The following IL13 variants were observed in gnomAD, a reference collection of about 807,000 sequenced individuals.
IL13 encodes the protein interleukin-13.
A neutral mutation model predicts 11.1 loss-of-function variants in IL13; 9 were observed. That is an observed-to-expected ratio of 0.81 (90% CI 0.49 to 1.42). IL13 has a LOEUF of 1.42. Ranked by LOEUF, IL13 falls within the 40% of genes most tolerant of loss-of-function variation. The pLI is 0.00. For synonymous variants in IL13, 75 were observed against 76.9 expected (o/e 0.97, Z 0.13); for missense variants, 181 against 182.5 (o/e 0.99, Z 0.05).
chr5:132,659,529 T>A lies in IL13; in HGVS notation c.228+58T>A. 1.9e-6 allele frequency: 3 copies of A among 1,567,144 alleles called. No individual in the cohort carries two copies. Among genetic ancestry groups the A allele is most frequent in the Non-Finnish European group, 2.6e-6 (3 of 1,143,260 alleles). On this transcript the variant is annotated intron_variant, in intron 2 of 3. Coordinates refer to ENST00000304506, the MANE Select transcript of IL13 (RefSeq NM_002188.3). The surrounding 1 kb of genome is among the most constrained non-coding windows in gnomAD (Gnocchi z 4.1). ...AGAGGCTCCAGGCCTTGGGCTTATC[T>A]TCTCTGAGCCTCCCTTCCATGGCTG...
upstream of IL13, chr5:132,658,059 A>G (rs1227587874): frequency 1.4e-5 from 8 of 577,796 alleles, no homozygotes. Flanking sequence ...TCCACAAAGT[A>G]AAATCAAGAT....
chr5:132,659,556 G>A lies in IL13; in HGVS notation c.228+85G>A. Reference sequence around the variant, plus strand: ...CTCTGAGCCTCCCTTCCATGGCTGGGGTTCCAAGCAAGCTTCAAGTGCTCT... The same window carrying A: ...CTCTGAGCCTCCCTTCCATGGCTGGAGTTCCAAGCAAGCTTCAAGTGCTCT... On this transcript the variant is annotated intron_variant, in intron 2 of 3. Coordinates refer to ENST00000304506, the MANE Select transcript of IL13 (RefSeq NM_002188.3). This position sits in a 1 kb window ranked among gnomAD's most constrained non-coding sequence, Gnocchi z 4.1. The A allele has an allele frequency of 1.3e-6, 2 of 1,559,544 alleles. No individual in the cohort carries two copies. Among genetic ancestry groups the A allele is most frequent in the South Asian group, 2.3e-5 (2 of 87,262 alleles).
At chr5:132,657,869 CA>C (rs1752068605), upstream of IL13, among the ~76,000 whole-genome samples, 1 of 152,134 alleles carries the variant, frequency 6.6e-6, no homozygotes, top group African/African-American at 2.4e-5. Flanking sequence ...TCCAGGTACT[CA>C]GGGTTGTCAC....
At chr5:132,658,675 C>A in intron 1 of IL13, 1 of 302,690 alleles carries the variant, frequency 3.3e-6, no homozygotes. Context: ...CAGCACCCTC[C>A]CAGAACCATG....
In IL13 at chr5:132,659,704, TC is replaced by T; in HGVS notation, c.229-19del. The T allele has an allele frequency of 6.2e-7, 1 of 1,611,844 alleles. No individual in the cohort carries two copies. Among genetic ancestry groups the T allele is most frequent in the Non-Finnish European group, 8.5e-7 (1 of 1,178,746 alleles). ...AGCTGCCCAAGCAGGGCCTGACCCC[TC>T]GGTGTCCCCTCCCCACAGTACTGTG... On this transcript the variant is annotated intron_variant, in intron 2 of 3. Coordinates refer to ENST00000304506, the MANE Select transcript of IL13 (RefSeq NM_002188.3). The surrounding 1 kb of genome is among the most constrained non-coding windows in gnomAD (Gnocchi z 4.1).
At position 132,658,375 on chromosome 5, in the gene IL13, G is replaced by T; in HGVS notation, c.174+15G>T. 1 of 1,566,898 alleles carries T rather than the reference G, an allele frequency of 6.4e-7. No homozygotes were observed. ...AGAACCAGAAGGTGAGTGTCGGCTA[G>T]CCAGGGTCCTAGCTATGAGGGCTCC... On this transcript the variant is annotated intron_variant, in intron 1 of 3. Coordinates refer to ENST00000304506, the MANE Select transcript of IL13 (RefSeq NM_002188.3).
chr5:132,660,093 C>A, intron 3 of IL13, 82 bp from the exon 4 acceptor site: 1 of 1,419,500 alleles, frequency 7.0e-7, no homozygotes, highest in Non-Finnish European at 9.8e-7. Context: ...CTGAATGAGA[C>A]AGTCCCTGGA....
In IL13 at chr5:132,658,191, A is replaced by T. The variant is rs778963746; in HGVS notation, c.5A>T (p.His2Leu). 3 of 1,600,734 alleles carry T rather than the reference A, an allele frequency of 1.9e-6. No homozygotes were observed. Among genetic ancestry groups the T allele is most frequent in the Admixed American group, 3.4e-5 (2 of 58,894 alleles). The change falls in exon 1 of 4, where the codon CAT (histidine) becomes CTT (leucine). Residue 2 changes from histidine to leucine, a missense_variant. Physicochemically the swap from His to Leu is moderately conservative, Grantham distance 99. Coordinates refer to ENST00000304506, the MANE Select transcript of IL13 (RefSeq NM_002188.3). Reference protein sequence around the residue: MHPLLNPLLLAL... With the variant: MLPLLNPLLLAL... ...AGGCCACAAGCCACCCAGCCTATGC[A>T]TCCGCTCCTCAATCCTCTCCTGTTG...
chr5:132,660,043 G>C (rs569085982), intron 3 of IL13, 132 bp from the exon 4 acceptor site: 1 of 1,204,800 alleles, frequency 8.3e-7, no homozygotes, highest in Middle Eastern at 2.8e-4. Context: ...GTACAGTAGA[G>C]GTACTAACAG....
chr5:132,658,074 A>G (rs1310308418), upstream of IL13: 1 of 612,158 alleles, frequency 1.6e-6, no homozygotes, highest in Non-Finnish European at 2.9e-6. Context: ...CAAGATGAGT[A>G]AAGATGTGGT....
At position 132,658,326 on chromosome 5, in the gene IL13, TTGAGGAGC is replaced by T. The variant is rs1752079622; in HGVS notation, c.143_150del (p.Glu48GlyfsTer134). The T allele has an allele frequency of 6.2e-7, 1 of 1,611,656 alleles. No homozygotes were observed. Among genetic ancestry groups the T allele is most frequent in the African/African-American group, 1.3e-5 (1 of 74,880 alleles). ...CCCTCTACAGCCCTCAGGGAGCTCA[TTGAGGAGC>T]TGGTCAACATCACCCAGAACCAGAA... On this transcript the variant is annotated frameshift_variant, in exon 1 of 4. Transcript: ENST00000304506. LOFTEE classifies it high-confidence loss of function.
rs368320626 is a variant in IL13, at chr5:132,660,128, C to T, written c.334-47C>T. 23 of 1,585,806 alleles carry T rather than the reference C, an allele frequency of 1.5e-5. No individual in the cohort carries two copies. The African/African-American group carries it at 1.5e-4, about 10-fold the overall frequency. The stretch of plus-strand genomic sequence containing the variant: ...AAAGCCCCTGGTTTGTGCGAGTCGT[C>T]CCGGCCTCTGGCGTTCTACTCATGT... On this transcript the variant is annotated intron_variant, in intron 3 of 3. Coordinates refer to ENST00000304506, the MANE Select transcript of IL13 (RefSeq NM_002188.3).
chr5:132,659,711 C>A lies in IL13; in HGVS notation c.229-13C>A, dbSNP rs764149458. On this transcript the variant is annotated splice_polypyrimidine_tract_variant and intron_variant, in intron 2 of 3. Coordinates refer to ENST00000304506, the MANE Select transcript of IL13 (RefSeq NM_002188.3). The surrounding 1 kb of genome is among the most constrained non-coding windows in gnomAD (Gnocchi z 4.1). ...CAAGCAGGGCCTGACCCCTCGGTGT[C>A]CCCTCCCCACAGTACTGTGCAGCCC... is the stretch of plus-strand genomic sequence containing the variant. 12 of 1,612,722 alleles carry A rather than the reference C, an allele frequency of 7.4e-6. No homozygotes were observed. Among genetic ancestry groups the A allele is most frequent in the South Asian group, 4.4e-5 (4 of 90,990 alleles).
In IL13 at chr5:132,660,354, A is replaced by ATTC. The variant is rs1752129654; in HGVS notation, c.*73_*74insTCT. 1 of 1,562,976 alleles carries ATTC rather than the reference A, an allele frequency of 6.4e-7. No homozygotes were observed. The highest frequency in any genetic ancestry group is 8.6e-7 in the Non-Finnish European group (1 of 1,156,506). ...AGTTGCAGATTCATTTTTCTTTCTG[A>ATTC]TGTCAAAAATGTCTTGGGTAGGCGG... On this transcript the variant is annotated 3_prime_UTR_variant, in exon 4 of 4. Transcript: ENST00000304506.
upstream of IL13, among the ~76,000 whole-genome samples, chr5:132,657,953 G>T (rs1752070672): frequency 6.6e-6 from 1 of 152,158 alleles, no homozygotes; most frequent in South Asian, 2.1e-4. Flanking sequence ...CCTGCCGCTG[G>T]AATTAAACCC....
At position 132,659,618 on chromosome 5, in the gene IL13, C is replaced by A. The variant is rs924151885; in HGVS notation, c.229-106C>A. ...CCATAATCTGGCCCCTTCCCGCCCA[C>A]CACCCAGACTCACCTGCGCCAGGCA... On this transcript the variant is annotated intron_variant, in intron 2 of 3. Coordinates refer to ENST00000304506, the MANE Select transcript of IL13 (RefSeq NM_002188.3). The surrounding 1 kb of genome is among the most constrained non-coding windows in gnomAD (Gnocchi z 4.1). 1 of 1,595,450 alleles carries A rather than the reference C, an allele frequency of 6.3e-7. No individual in the cohort carries two copies. The highest frequency in any genetic ancestry group is 8.6e-7 in the Non-Finnish European group (1 of 1,167,450).
chr5:132,657,802 A>T (rs76941923), upstream of IL13, among the ~76,000 whole-genome samples: 1 of 152,234 alleles, frequency 6.6e-6, no homozygotes, highest in Admixed American at 6.5e-5. Context: ...CTATCTGCTC[A>T]GCACTTCTGG....
chr5:132,659,498 T>C lies in IL13; in HGVS notation c.228+27T>C. 1.3e-6 allele frequency: 2 copies of C among 1,598,260 alleles called. No individual in the cohort carries two copies. Among genetic ancestry groups the C allele is most frequent in the Non-Finnish European group, 1.7e-6 (2 of 1,167,118 alleles). The stretch of plus-strand genomic sequence containing the variant: ...TAAGGACCTTTGGGTGCAGGGAGGA[T>C]GGGGCAGAGGCTCCAGGCCTTGGGC... On this transcript the variant is annotated intron_variant, in intron 2 of 3. Coordinates refer to ENST00000304506, the MANE Select transcript of IL13 (RefSeq NM_002188.3). This position sits in a 1 kb window ranked among gnomAD's most constrained non-coding sequence, Gnocchi z 4.1.
chr5:132,659,246 G>T lies in IL13; in HGVS notation c.175-172G>T, dbSNP rs969332785. On this transcript the variant is annotated intron_variant, in intron 1 of 3. Coordinates refer to ENST00000304506, the MANE Select transcript of IL13 (RefSeq NM_002188.3). The surrounding 1 kb of genome is among the most constrained non-coding windows in gnomAD (Gnocchi z 4.1). ...ACAGTGGGACCTCACCCCTATGCCT[G>T]CTGTTCAAAGCAGAAAACGAAGCTC... The T allele has an allele frequency of 1.1e-5, 7 of 632,946 alleles. No homozygotes were observed. Among genetic ancestry groups the T allele is most frequent in the Middle Eastern group, 4.2e-4 (1 of 2,386 alleles). The allele number at this position is 632,946 out of a possible 1,614,324, so 39.2% of individuals were successfully genotyped here.
Sources: allele counts gnomAD v4.1 joint callset (sites outside exome capture counted in the v4.1 genomes callset), GRCh38; gene constraint gnomAD v4.1.1; non-coding constraint Gnocchi (gnomAD v3.1); transcripts MANE v1.5; gene names NCBI Gene and HGNC (gene_info 2026-07-23, HGNC 2026-07-21).